The following CDYL variants were observed in gnomAD, a reference collection of about 807,000 sequenced individuals.
The protein encoded by CDYL is chromodomain Y-like protein.
A neutral mutation model predicts 47.3 loss-of-function variants in CDYL; 8 were observed. The ratio of observed to expected loss-of-function variants is 0.17; its 90% CI spans 0.10 to 0.31. CDYL has a LOEUF of 0.31. Among genes scored for constraint, CDYL ranks in the 10% least tolerant of loss-of-function variants. The pLI is 1.00. For missense variants in CDYL, 471 were observed against 701.4 expected (o/e 0.67, Z 3.71); for synonymous variants, 266 against 265.0 (o/e 1.00, Z -0.04).
At chr6:4,725,576 AC>A (rs1435823024) in intron 2 of CDYL, among the ~76,000 whole-genome samples, 1 of 152,132 alleles carries the variant, frequency 6.6e-6, no homozygotes, top group Non-Finnish European at 1.5e-5. Flanking sequence ...TTGCTGGTGG[AC>A]CTGCACCTCC....
intron 2 of CDYL, among the ~76,000 whole-genome samples, chr6:4,932,166 G>A (rs1381627989): frequency 6.6e-6 from 1 of 152,184 alleles, no homozygotes; most frequent in African/African-American, 2.4e-5. Context: ...TTAGCCATTT[G>A]GGCTGCCTTA....
chr6:4,804,476 C>A (rs934109037), intron 1 of CDYL, among the ~76,000 whole-genome samples: 3 of 152,150 alleles, frequency 2.0e-5, no homozygotes, highest in Non-Finnish European at 2.9e-5. Context: ...GTCTTACGAC[C>A]GCATCTCCAG....
Position 4,892,183 on chromosome 6 carries a change from A to G in CDYL, c.495A>G (p.Lys165=). Residue 165 remains lysine, a synonymous_variant, in exon 2 of 7, where the codon AAA becomes AAG. Coordinates refer to ENST00000397588, the MANE Select transcript of CDYL (RefSeq NM_004824.4). The part of the protein sequence containing the change: ...VDGFQSESPE[K]LDPVEQGQED... Reference sequence around the variant, plus strand: ...GCTTTCAGAGCGAGAGCCCTGAGAAACTGGACCCCGTCGAGCAGGGTCAGG... The same window carrying G: ...GCTTTCAGAGCGAGAGCCCTGAGAAGCTGGACCCCGTCGAGCAGGGTCAGG... 6.2e-7 allele frequency: 1 copy of G among 1,614,230 alleles called. No individual in the cohort carries two copies. Among genetic ancestry groups the G allele is most frequent in the Non-Finnish European group, 8.5e-7 (1 of 1,180,046 alleles).
At chr6:4,850,397 A>G (rs2127463058) in intron 1 of CDYL, among the ~76,000 whole-genome samples, 1 of 152,348 alleles carries the variant, frequency 6.6e-6, no homozygotes, top group Middle Eastern at 3.4e-3. Flanking sequence ...TTAACTAGAA[A>G]AGTCGATGTT....
chr6:4,813,613 A>G (rs970499748), intron 1 of CDYL, among the ~76,000 whole-genome samples: 2 of 152,168 alleles, frequency 1.3e-5, no homozygotes, highest in Admixed American at 6.5e-5. Flanking sequence ...TGACGGATCC[A>G]TTTGTGCATG....
chr6:4,892,791 C>A lies in CDYL; in HGVS notation c.691+412C>A, dbSNP rs577199335. Among the ~76,000 whole-genome samples, 4 of 152,340 alleles carry A rather than the reference C, an allele frequency of 2.6e-5. No individual in the cohort carries two copies. In the South Asian group the frequency reaches 8.3e-4, roughly 32 times the overall value. On this transcript the variant is annotated intron_variant, in intron 2 of 6. Coordinates refer to ENST00000397588, the MANE Select transcript of CDYL (RefSeq NM_004824.4). Reference sequence around the variant, plus strand: ...AAGTGCAGGTTCTTATTTTGCTCATCTGTGTGAATACCCAGGAATGCCTTT... The same window carrying A: ...AAGTGCAGGTTCTTATTTTGCTCATATGTGTGAATACCCAGGAATGCCTTT...
intron 1 of CDYL, among the ~76,000 whole-genome samples, chr6:4,855,785 T>C (rs972893184): frequency 6.6e-5 from 10 of 152,204 alleles, no homozygotes; most frequent in African/African-American, 2.2e-4. Flanking sequence ...GCTCGTTTTA[T>C]GAAATGATTT....
At chr6:4,888,719 G>A (rs369829685) in intron 1 of CDYL, among the ~76,000 whole-genome samples, 11 of 152,132 alleles carry the variant, frequency 7.2e-5, no homozygotes, top group Middle Eastern at 3.4e-3. Flanking sequence ...ATTGATTTGA[G>A]GTCTTTCTTC....
intron 2 of CDYL, among the ~76,000 whole-genome samples, chr6:4,734,344 C>G (rs1757662939): frequency 6.6e-6 from 1 of 152,168 alleles, no homozygotes; most frequent in African/African-American, 2.4e-5. Flanking sequence ...GAGTCCCACT[C>G]CTAGGCTCCT....
chr6:4,807,755 C>T (rs903482091), intron 1 of CDYL, among the ~76,000 whole-genome samples: 1 of 151,716 alleles, frequency 6.6e-6, no homozygotes, highest in African/African-American at 2.4e-5. Flanking sequence ...AGGCATGTGC[C>T]ACCACACCTG....
intron 1 of CDYL, among the ~76,000 whole-genome samples, chr6:4,882,489 A>G (rs1396728782): frequency 2.0e-5 from 3 of 152,146 alleles, no homozygotes; most frequent in Non-Finnish European, 4.4e-5. Flanking sequence ...GATGGTTCTG[A>G]CCCTTTTCAA....
intron 2 of CDYL, among the ~76,000 whole-genome samples, chr6:4,724,093 T>C (rs902804585): frequency 4.6e-5 from 7 of 152,200 alleles, no homozygotes; most frequent in South Asian, 2.1e-4. Context: ...GGCTCTGGAG[T>C]GCAGGGGCAT....
intron 1 of CDYL, among the ~76,000 whole-genome samples, chr6:4,818,254 CA>C (rs1164007866): frequency 1.3e-5 from 2 of 151,170 alleles, no homozygotes; most frequent in African/African-American, 4.9e-5. Flanking sequence ...GCCCCTGTCT[CA>C]AAAAATAAAA....
rs115955716 is a variant in CDYL, at chr6:4,888,318, T to C, written c.25-3395T>C. 8.6e-3 allele frequency among the ~76,000 whole-genome samples: 1,310 copies of C among 151,950 alleles called. 22 individuals are homozygous for C. The highest frequency in any genetic ancestry group is 0.03 in the African/African-American group (1,257 of 41,436). ...AATCCTATGCTTTTTTTAAGGGAGG[T>C]TTTGATGATCAGTCTTATATAGGCC... On this transcript the variant is annotated intron_variant, in intron 1 of 6. Coordinates refer to ENST00000397588, the MANE Select transcript of CDYL (RefSeq NM_004824.4).
At chr6:4,933,040 C>T (rs1410918823) in intron 2 of CDYL, among the ~76,000 whole-genome samples, 3 of 152,218 alleles carry the variant, frequency 2.0e-5, no homozygotes, top group Admixed American at 6.5e-5. Flanking sequence ...CCTGCAGACA[C>T]ATCCTCACTG....
intron 1 of CDYL, among the ~76,000 whole-genome samples, chr6:4,710,690 TC>T (rs1197072885): frequency 1.3e-5 from 2 of 152,046 alleles, no homozygotes; most frequent in Non-Finnish European, 2.9e-5. Flanking sequence ...CACGCTGTGC[TC>T]CCGTCTTTAT....
chr6:4,786,559 G>A (rs748362059), intron 1 of CDYL, among the ~76,000 whole-genome samples: 1 of 152,176 alleles, frequency 6.6e-6, no homozygotes, highest in Non-Finnish European at 1.5e-5. Context: ...AACCAATAAA[G>A]ATTAAAAATA....
chr6:4,889,089 C>T (rs1425746813), intron 1 of CDYL, among the ~76,000 whole-genome samples: 1 of 152,162 alleles, frequency 6.6e-6, no homozygotes, highest in Non-Finnish European at 1.5e-5. Flanking sequence ...GTCAGACTTG[C>T]ATAATGTTTC....
At chr6:4,733,034 C>T (rs566864021) in intron 2 of CDYL, 1 of 152,286 alleles carries the variant, frequency 6.6e-6, no homozygotes, top group African/African-American at 2.4e-5. Context: ...CTCCCACTGC[C>T]GTTCAGCCTG....
Sources: gnomAD v4.1 joint callset for allele counts (sites outside exome capture counted in the v4.1 genomes callset) on GRCh38, gnomAD v4.1.1 for gene constraint, MANE v1.5 for transcripts, NCBI Gene and HGNC (gene_info 2026-07-23, HGNC 2026-07-21) for gene names.